RARB: variants seen among roughly 807,000 people sequenced by gnomAD.
RARB encodes retinoic acid receptor beta.
In RARB, 17 loss-of-function variants were observed where a neutral mutation model predicts 51.9. That is an observed-to-expected ratio of 0.33 (90% CI 0.22 to 0.49). The LOEUF (loss-of-function observed/expected upper bound fraction) is 0.49, where lower values mean the gene tolerates loss of function less well. Ranked by LOEUF, RARB falls within the 20% of genes least tolerant of loss-of-function variation. The probability of loss-of-function intolerance (pLI) is 0.99; values close to 1 mark genes in which losing one functional copy is unlikely to be tolerated. For synonymous variants in RARB, 215 were observed against 195.4 expected (o/e 1.10, Z -0.84); for missense variants, 369 against 550.8 (o/e 0.67, Z 3.30).
intron 5 of RARB, among the ~76,000 whole-genome samples, chr3:25,273,817 A>T (rs1218525904): frequency 6.6e-6 from 1 of 152,152 alleles, no homozygotes; most frequent in Non-Finnish European, 1.5e-5. Flanking sequence ...CTTCTCTTAT[A>T]ACCCACCACC....
intron 2 of RARB, among the ~76,000 whole-genome samples, chr3:25,045,565 T>G (rs1204747048): frequency 6.6e-6 from 1 of 152,236 alleles, no homozygotes; most frequent in Non-Finnish European, 1.5e-5. Flanking sequence ...TCAGTGTTGC[T>G]ACTTCTACTA....
rs115370944 is a variant in RARB, at chr3:25,563,514, G to A, written c.449-6244G>A. Among the ~76,000 whole-genome samples, 763 of 152,234 alleles carry A rather than the reference G, an allele frequency of 5.0e-3. 5 individuals are homozygous for A. Among genetic ancestry groups the A allele is most frequent in the African/African-American group, 0.017 (723 of 41,536 alleles). ...AGGCAGATTCTGATGTAGAAGAAAT[G>A]TTTACTCACCCCAACTCTCCCCAGT... On this transcript the variant is annotated intron_variant, in intron 3 of 7. Transcript: ENST00000330688.
intron 5 of RARB, among the ~76,000 whole-genome samples, chr3:25,395,029 A>G (rs576835810): frequency 6.6e-6 from 1 of 152,140 alleles, no homozygotes; most frequent in East Asian, 1.9e-4. Context: ...AGGAGGTTCT[A>G]TTTTGGTGTA....
chr3:24,918,432 G>C (rs1310982736), intron 2 of RARB, among the ~76,000 whole-genome samples: 1 of 152,154 alleles, frequency 6.6e-6, no homozygotes, highest in African/African-American at 2.4e-5. Context: ...AGAGAAAGTG[G>C]GGTCTTTTTG....
chr3:25,019,257 T>C (rs1697577576), intron 2 of RARB, among the ~76,000 whole-genome samples: 3 of 152,136 alleles, frequency 2.0e-5, no homozygotes, highest in Non-Finnish European at 2.9e-5. Flanking sequence ...TTAAATCAAA[T>C]TCAGAACTAT....
intron 3 of RARB, among the ~76,000 whole-genome samples, chr3:25,077,038 T>C (rs1019198316): frequency 1.3e-5 from 2 of 152,200 alleles, no homozygotes; most frequent in African/African-American, 4.8e-5. Flanking sequence ...GTTGAAGTTA[T>C]TTTCTGTAGG....
chr3:25,111,950 T>G (rs1207326642), intron 3 of RARB, among the ~76,000 whole-genome samples: 2 of 152,194 alleles, frequency 1.3e-5, no homozygotes, highest in African/African-American at 4.8e-5. Flanking sequence ...TTTGAAGACA[T>G]GCTTTGGAAT....
intron 3 of RARB, among the ~76,000 whole-genome samples, chr3:25,552,162 T>C (rs1366714351): frequency 6.6e-6 from 1 of 152,084 alleles, no homozygotes; most frequent in Admixed American, 6.6e-5. Context: ...AAAAACAGAC[T>C]GTGTGATTAA....
chr3:25,323,234 G>A (rs1403219858), intron 5 of RARB, among the ~76,000 whole-genome samples: 3 of 152,184 alleles, frequency 2.0e-5, no homozygotes, highest in African/African-American at 7.2e-5. Flanking sequence ...ACATTCTGCT[G>A]GTCAAAGCAA....
chr3:24,955,726 T>A (rs927005974), intron 2 of RARB, among the ~76,000 whole-genome samples: 6 of 152,006 alleles, frequency 3.9e-5, no homozygotes, highest in African/African-American at 9.7e-5. Context: ...ATGTTAACAA[T>A]TTTTTTCGGG....
intron 2 of RARB, among the ~76,000 whole-genome samples, chr3:25,019,999 A>G (rs1056272991): frequency 6.6e-6 from 1 of 152,116 alleles, no homozygotes; most frequent in Non-Finnish European, 1.5e-5. Context: ...ACCTCTTCCA[A>G]CTTACACAGA....
chr3:25,203,923 T>G (rs1048824087), intron 5 of RARB, among the ~76,000 whole-genome samples: 1 of 152,156 alleles, frequency 6.6e-6, no homozygotes, highest in African/African-American at 2.4e-5. Flanking sequence ...TTGCTCTTCT[T>G]GAGGAGTATC....
At chr3:25,019,498 C>A (rs140254583) in intron 2 of RARB, among the ~76,000 whole-genome samples, 2 of 151,462 alleles carry the variant, frequency 1.3e-5, no homozygotes, top group Non-Finnish European at 2.9e-5. Context: ...TTTTTCTTCA[C>A]GGGTTTATAA....
At chr3:25,156,469 C>T (rs1046210739) in intron 4 of RARB, among the ~76,000 whole-genome samples, 7 of 122,634 alleles carry the variant, frequency 5.7e-5, no homozygotes, top group African/African-American at 2.2e-4. Context: ...CTATTAATTT[C>T]CCTTCATTTT....
chr3:25,393,839 T>C (rs1448741411), intron 5 of RARB, among the ~76,000 whole-genome samples: 2 of 152,108 alleles, frequency 1.3e-5, no homozygotes. Flanking sequence ...TCTATGAATT[T>C]TGTTTATCTT....
intron 3 of RARB, among the ~76,000 whole-genome samples, chr3:25,560,654 C>T (rs1700233500): frequency 6.6e-6 from 1 of 152,274 alleles, no homozygotes; most frequent in South Asian, 2.1e-4. Context: ...TATAGAGCAC[C>T]AGGCTGGAAT....
intron 2 of RARB, among the ~76,000 whole-genome samples, chr3:25,480,218 A>T (rs1696158459): frequency 6.6e-6 from 1 of 152,268 alleles, no homozygotes; most frequent in Non-Finnish European, 1.5e-5. Flanking sequence ...ACATGTGAGC[A>T]CTGGAATAAT....
chr3:25,452,101 G>A (rs761057574), intron 1 of RARB, among the ~76,000 whole-genome samples: 5 of 152,134 alleles, frequency 3.3e-5, no homozygotes, highest in South Asian at 2.1e-4. Flanking sequence ...ATGCCTCCAC[G>A]TTCAGATCAT....
chr3:25,247,565 C>T (rs1044068568), intron 5 of RARB, among the ~76,000 whole-genome samples: 23 of 152,220 alleles, frequency 1.5e-4, no homozygotes, highest in African/African-American at 4.3e-4. Context: ...ATTCCCTTGT[C>T]GAGGGGAGGG....
Sources: allele counts gnomAD v4.1 joint callset (sites outside exome capture counted in the v4.1 genomes callset), GRCh38; gene constraint gnomAD v4.1.1; transcripts MANE v1.5; gene names NCBI Gene and HGNC (gene_info 2026-07-23, HGNC 2026-07-21).